The following ITGA6 variants were observed in gnomAD, a reference collection of about 807,000 sequenced individuals.
ITGA6 encodes the protein integrin alpha-6.
In ITGA6, 63 loss-of-function variants were observed where a neutral mutation model predicts 133.6. That is an observed-to-expected ratio of 0.47 (90% CI 0.38 to 0.58). ITGA6 has a LOEUF of 0.58. Ranked by LOEUF, ITGA6 falls within the 20% of genes least tolerant of loss-of-function variation. ITGA6 has a pLI of 0.00. For synonymous variants in ITGA6, 434 were observed against 482.0 expected (o/e 0.90, Z 1.30); for missense variants, 1,068 against 1,309.4 (o/e 0.82, Z 2.85).
At chr2:172,494,853 T>C (rs921582640) in intron 23 of ITGA6, among the ~76,000 whole-genome samples, 3 of 152,148 alleles carry the variant, frequency 2.0e-5, no homozygotes, top group Non-Finnish European at 4.4e-5. Context: ...AAGTAGAGAG[T>C]ATCCAAGCTT....
chr2:172,427,445 G>A (rs1683883956), upstream of ITGA6: 2 of 1,047,782 alleles, frequency 1.9e-6, no homozygotes, highest in Admixed American at 5.7e-5. Flanking sequence ...CAGGTACCGG[G>A]CAGCTGGAGA....
At chr2:172,432,661 G>T (rs935955904) in intron 1 of ITGA6, among the ~76,000 whole-genome samples, 1 of 152,030 alleles carries the variant, frequency 6.6e-6, no homozygotes, top group Non-Finnish European at 1.5e-5. Flanking sequence ...TTTCAAAGGC[G>T]GGGGGTTCCA....
At chr2:172,455,460 C>A (rs982041849) in intron 1 of ITGA6, among the ~76,000 whole-genome samples, 2 of 152,228 alleles carry the variant, frequency 1.3e-5, no homozygotes, top group Admixed American at 6.5e-5. Context: ...AGATGCCTCT[C>A]AGCCCTGCCC....
intron 25 of ITGA6, 144 bp from the exon 26 acceptor site, chr2:172,503,947 G>C (rs1306278293): frequency 3.7e-6 from 2 of 545,226 alleles, no homozygotes; most frequent in Non-Finnish European, 6.0e-6. Flanking sequence ...CAGCCTCTTG[G>C]TTCTTTCTTA....
chr2:172,501,369 T>C (rs1035993762), intron 24 of ITGA6, among the ~76,000 whole-genome samples: 15 of 152,350 alleles, frequency 9.8e-5, no homozygotes, highest in African/African-American at 3.6e-4. Context: ...ATTTAGAGAA[T>C]TTATTTTCTA....
chr2:172,503,135 A>C (rs1417863582), intron 25 of ITGA6, among the ~76,000 whole-genome samples: 2 of 152,134 alleles, frequency 1.3e-5, no homozygotes, highest in African/African-American at 4.8e-5. Context: ...GTTACTATTG[A>C]CGTCACACAA....
chr2:172,469,420 C>T (rs766853557), intron 4 of ITGA6, 40 bp downstream of exon 4: 2 of 1,318,380 alleles, frequency 1.5e-6, no homozygotes, highest in Admixed American at 4.1e-5. Flanking sequence ...ATTAGTTCCC[C>T]TAATTTCTGT....
At chr2:172,469,475 TCGTATA>T in intron 4 of ITGA6, 95 bp downstream of exon 4, 1 of 1,135,854 alleles carries the variant, frequency 8.8e-7, no homozygotes, top group Non-Finnish European at 1.3e-6. Context: ...TAGAAGACAT[TCGTATA>T]TTATAAAAGT....
At chr2:172,485,322 C>T (rs1241131014) in intron 13 of ITGA6, 58 bp downstream of exon 13, 6 of 1,458,088 alleles carry the variant, frequency 4.1e-6, no homozygotes, top group Non-Finnish European at 5.8e-6. Context: ...GATGCTAAAT[C>T]AAATGTCTTT....
chr2:172,441,559 TAA>T (rs57828626), intron 1 of ITGA6, among the ~76,000 whole-genome samples: 1,323 of 48,642 alleles, frequency 0.027, 13 homozygotes, highest in Non-Finnish European at 0.037. Context: ...GCTGTCTCTT[TAA>T]AAAAAAAAAA....
chr2:172,476,201 C>T (rs1490503762), intron 8 of ITGA6, among the ~76,000 whole-genome samples, 194 bp from the exon 9 acceptor site: 3 of 152,092 alleles, frequency 2.0e-5, no homozygotes, highest in African/African-American at 7.2e-5. Context: ...CTATGTAAAT[C>T]GGATGACTTT....
In ITGA6 at chr2:172,465,677, C is replaced by T; in HGVS notation, c.307+14C>T. On this transcript the variant is annotated intron_variant, in intron 2 of 25. Coordinates refer to ENST00000684293, the MANE Select transcript of ITGA6 (RefSeq NM_000210.4). ...TTGATAACGATGGTGCGTTCCTTTC[C>T]CTCACTCAGCGTTCACTCCGGCAGC... is the stretch of plus-strand genomic sequence containing the variant. 1 of 1,614,102 alleles carries T rather than the reference C, an allele frequency of 6.2e-7. No individual in the cohort carries two copies. The highest frequency in any genetic ancestry group is 8.5e-7 in the Non-Finnish European group (1 of 1,179,930).
chr2:172,503,383 AAAG>A (rs991848056), intron 25 of ITGA6: 15 of 152,132 alleles, frequency 9.9e-5, no homozygotes, highest in African/African-American at 3.1e-4. Flanking sequence ...TATTTTTGCA[AAAG>A]AAGAGAAATT....
chr2:172,485,237 A>G lies in ITGA6; in HGVS notation c.1827A>G (p.Ser609=), dbSNP rs1407356946. 6.2e-7 allele frequency: 1 copy of G among 1,614,172 alleles called. No individual in the cohort carries two copies. Among genetic ancestry groups the G allele is most frequent in the Admixed American group, 1.7e-5 (1 of 60,028 alleles). ...SLPEVLPILN[S]DEPKTAHIDV... is the part of the protein sequence containing the mutation. ...CAGAAGTTCTTCCAATTCTGAATTCAGATGAACCCAAGACAGCTCATATTG... is the reference window on the plus strand; with the variant it reads ...CAGAAGTTCTTCCAATTCTGAATTCGGATGAACCCAAGACAGCTCATATTG... Residue 609 remains serine (S), a synonymous_variant, in exon 13 of 26, where the codon TCA becomes TCG. Coordinates refer to ENST00000684293, the MANE Select transcript of ITGA6 (RefSeq NM_000210.4).
intron 25 of ITGA6, 37 bp from the exon 26 acceptor site, chr2:172,504,054 A>G (rs558691044): frequency 6.7e-7 from 1 of 1,503,534 alleles, no homozygotes; most frequent in Non-Finnish European, 8.9e-7. Context: ...TCTTTGTGAG[A>G]TTAATTTGTT....
intron 1 of ITGA6, among the ~76,000 whole-genome samples, chr2:172,441,452 A>G (rs1306860389): frequency 1.3e-5 from 2 of 150,864 alleles, no homozygotes; most frequent in Non-Finnish European, 3.0e-5. Context: ...GCACTTTGGA[A>G]GGCTGAGGTG....
rs1182192803 is a variant in ITGA6 at position 172,505,051 on chromosome 2, T to C, written c.*983T>C. The C allele has an allele frequency of 6.6e-6, 1 of 152,648 alleles. No homozygotes were observed. The highest frequency in any genetic ancestry group is 1.5e-5 in the Non-Finnish European group (1 of 68,036). The allele number at this position is 152,648 out of a possible 1,614,324, so 9.5% of individuals were successfully genotyped here. A position where few individuals can be genotyped will look rare whatever the true frequency, so the allele number is the denominator to read the frequency against. ...ATTATTTACTGCAAAAAGAAAATCTTTATAAATGTACCAGAGAGAGTTGTT... is the reference window on the plus strand; with the variant it reads ...ATTATTTACTGCAAAAAGAAAATCTCTATAAATGTACCAGAGAGAGTTGTT... On this transcript the variant is annotated 3_prime_UTR_variant, in exon 26 of 26. Coordinates refer to ENST00000684293, the MANE Select transcript of ITGA6 (RefSeq NM_000210.4).
intron 1 of ITGA6, among the ~76,000 whole-genome samples, chr2:172,458,360 C>T (rs1426720651): frequency 6.6e-6 from 1 of 151,950 alleles, no homozygotes; most frequent in Admixed American, 6.6e-5. Context: ...ATGTCTCAGC[C>T]TCCCAGATAG....
Position 172,491,212 on chromosome 2 carries a change from T to TC in ITGA6, c.2779-8dup, listed in dbSNP as rs1559152670. The TC allele has an allele frequency of 1.3e-6, 2 of 1,583,864 alleles. No homozygotes were observed. Among genetic ancestry groups the TC allele is most frequent in the Non-Finnish European group, 1.7e-6 (2 of 1,152,510 alleles). ...GTCTTTTGATGACCATTCTTCTTTT[T>TC]CTCTCTAGAACTGTAGCGTGAACGT... On this transcript the variant is annotated splice_polypyrimidine_tract_variant and intron_variant, in intron 21 of 25. Transcript: ENST00000684293. The surrounding 1 kb of genome is among the most constrained non-coding windows in gnomAD (Gnocchi z 4.4).
Sources: allele counts gnomAD v4.1 joint callset (sites outside exome capture counted in the v4.1 genomes callset), GRCh38; gene constraint gnomAD v4.1.1; non-coding constraint Gnocchi (gnomAD v3.1); transcripts MANE v1.5; gene names NCBI Gene and HGNC (gene_info 2026-07-23, HGNC 2026-07-21).